The following TRPC7 variants were observed in gnomAD, a reference collection of about 807,000 sequenced individuals.
TRPC7 encodes the protein transient receptor potential cation channel subfamily C member 7.
A neutral mutation model predicts 90.1 loss-of-function variants in TRPC7; 42 were observed. The ratio of observed to expected loss-of-function variants is 0.47; its 90% CI spans 0.36 to 0.60. TRPC7 has a LOEUF of 0.60. TRPC7 is among the 20% of genes least tolerant of loss of function. TRPC7 has a pLI of 0.00. For synonymous variants in TRPC7, 451 were observed against 436.3 expected (o/e 1.03, Z -0.42); for missense variants, 955 against 1,112.3 (o/e 0.86, Z 2.01).
intron 3 of TRPC7, 112 bp from the exon 4 acceptor site, chr5:136,274,949 G>C (rs550087002): frequency 6.2e-6 from 8 of 1,289,178 alleles, no homozygotes; most frequent in Admixed American, 5.2e-5. Flanking sequence ...CTCCACCTGG[G>C]GGGTGGTTGA....
chr5:136,350,648 T>C (rs917964094), intron 2 of TRPC7, among the ~76,000 whole-genome samples: 3 of 152,206 alleles, frequency 2.0e-5, no homozygotes, highest in African/African-American at 4.8e-5. Flanking sequence ...CTTTGTCCCT[T>C]TTCTGGAGAT....
intron 3 of TRPC7, among the ~76,000 whole-genome samples, chr5:136,309,372 C>A (rs1449030850): frequency 6.6e-6 from 1 of 152,204 alleles, no homozygotes; most frequent in African/African-American, 2.4e-5. Context: ...CTCCCTCTCC[C>A]ATCTCCCACA....
rs1404478401 is a variant in TRPC7 at position 136,356,510 on chromosome 5, C to T, written c.780+98G>A. 5 of 1,256,306 alleles carry T rather than the reference C, an allele frequency of 4.0e-6. No individual in the cohort carries two copies. The East Asian group carries it at 1.0e-4, about 26-fold the overall frequency. The allele number at this position is 1,256,306 out of a possible 1,614,324, so 77.8% of individuals were successfully genotyped here. On this transcript the variant is annotated intron_variant, in intron 2 of 11. Transcript: ENST00000513104. ...CTGCTCAGTAAGATCCTGAAGCTTC[C>T]CTCTTTCTTAGATTTGAAGACAACC...
intron 5 of TRPC7, among the ~76,000 whole-genome samples, chr5:136,254,987 CTAGAAT>C (rs1756644636): frequency 6.6e-6 from 1 of 152,136 alleles, no homozygotes; most frequent in Non-Finnish European, 1.5e-5. Flanking sequence ...AATAAGAGAA[CTAGAAT>C]TAGAAGTAGG....
At chr5:136,306,508 C>T (rs1758636370) in intron 3 of TRPC7, among the ~76,000 whole-genome samples, 1 of 152,086 alleles carries the variant, frequency 6.6e-6, no homozygotes, top group South Asian at 2.1e-4. Context: ...AAATTTTTGC[C>T]ACCCCAAGAC....
intron 10 of TRPC7, 82 bp downstream of exon 10, chr5:136,225,192 T>A: frequency 8.2e-7 from 1 of 1,225,452 alleles, no homozygotes; most frequent in Non-Finnish European, 1.2e-6. Flanking sequence ...TCTCGGGGGA[T>A]GACACAGTCA....
intron 2 of TRPC7, among the ~76,000 whole-genome samples, chr5:136,334,091 GA>G (rs1759580192): frequency 6.6e-6 from 1 of 152,100 alleles, no homozygotes; most frequent in African/African-American, 2.4e-5. Flanking sequence ...GGTTCAGAGT[GA>G]ATGTGACCTA....
chr5:136,321,942 T>C (rs1429646057), intron 2 of TRPC7, among the ~76,000 whole-genome samples: 1 of 152,194 alleles, frequency 6.6e-6, no homozygotes, highest in African/African-American at 2.4e-5. Flanking sequence ...ATTTACTCAC[T>C]GAAGGACATT....
intron 3 of TRPC7, among the ~76,000 whole-genome samples, chr5:136,299,372 T>TGTGTGTGG (rs1226815507): frequency 6.8e-6 from 1 of 147,562 alleles, no homozygotes; most frequent in Admixed American, 6.8e-5. Context: ...TGTGTGTGTG[T>TGTGTGTGG]GTGTGTGGTG....
chr5:136,278,441 C>G (rs1383685210), intron 3 of TRPC7, among the ~76,000 whole-genome samples: 1 of 152,218 alleles, frequency 6.6e-6, no homozygotes, highest in Non-Finnish European at 1.5e-5. Flanking sequence ...GTCACCACAT[C>G]TGGAAGAGGC....
In TRPC7 at chr5:136,247,576, A is replaced by T; in HGVS notation, c.1739T>A (p.Phe580Tyr). 1 of 1,613,976 alleles carries T rather than the reference A, an allele frequency of 6.2e-7. No individual in the cohort carries two copies. The highest frequency in any genetic ancestry group is 8.5e-7 in the Non-Finnish European group (1 of 1,179,882). ...ISLGRTVKDI[F>Y]KFMVIFIMVF... ...CATGATGAAAATGACCATGAACTTG[A>T]AGATATCTTTCACAGTTCTCCCTAG... Residue 580 changes from phenylalanine to tyrosine, a missense_variant, in exon 7 of 12, where the codon TTC becomes TAC. Phe to Tyr is a conservative substitution (Grantham distance 22). Transcript: ENST00000513104. The surrounding 1 kb of genome is among the most constrained non-coding windows in gnomAD (Gnocchi z 4.2).
chr5:136,253,293 G>A (rs1756584026), intron 5 of TRPC7, among the ~76,000 whole-genome samples: 1 of 151,952 alleles, frequency 6.6e-6, no homozygotes, highest in South Asian at 2.1e-4. Flanking sequence ...CACATTTACT[G>A]ATTACTAAAT....
chr5:136,257,224 C>A (rs1304702470), intron 5 of TRPC7, among the ~76,000 whole-genome samples: 2 of 151,270 alleles, frequency 1.3e-5, no homozygotes, highest in South Asian at 4.2e-4. Context: ...ACTCTGTCGC[C>A]CAGGCTGGAG....
intron 11 of TRPC7, among the ~76,000 whole-genome samples, chr5:136,214,756 G>A: frequency 6.6e-6 from 1 of 152,166 alleles, no homozygotes; most frequent in Non-Finnish European, 1.5e-5. Flanking sequence ...GGGTGCCCCA[G>A]GATGAAGCAG....
intron 2 of TRPC7, among the ~76,000 whole-genome samples, 153 bp downstream of exon 2, chr5:136,356,455 A>G (rs2649699): frequency 0.66 from 101,152 of 152,118 alleles, 33,803 homozygotes; most frequent in Admixed American, 0.73. Flanking sequence ...ATCTCTGATA[A>G]GTGAGATGTG....
chr5:136,321,243 A>G (rs1297507170), intron 2 of TRPC7, among the ~76,000 whole-genome samples: 2 of 152,160 alleles, frequency 1.3e-5, no homozygotes, highest in Non-Finnish European at 2.9e-5. Context: ...TTGAGGCTCA[A>G]TTGTGCTGAC....
intron 7 of TRPC7, among the ~76,000 whole-genome samples, chr5:136,243,441 A>G (rs924818269): frequency 6.6e-6 from 1 of 152,126 alleles, no homozygotes; most frequent in African/African-American, 2.4e-5. Flanking sequence ...GCTGAGTTCT[A>G]TAGACTCCTG....
chr5:136,253,076 A>G (rs1329955648), intron 5 of TRPC7, among the ~76,000 whole-genome samples: 1 of 152,242 alleles, frequency 6.6e-6, no homozygotes, highest in African/African-American at 2.4e-5. Flanking sequence ...AACACTTACT[A>G]TGAAAAAAGA....
chr5:136,345,647 G>T (rs1211830673), intron 2 of TRPC7, among the ~76,000 whole-genome samples: 4 of 152,130 alleles, frequency 2.6e-5, no homozygotes, highest in Non-Finnish European at 5.9e-5. Flanking sequence ...CATTCTGTAG[G>T]CTGCCTGTTC....
Sources: allele counts gnomAD v4.1 joint callset (sites outside exome capture counted in the v4.1 genomes callset), GRCh38; gene constraint gnomAD v4.1.1; non-coding constraint Gnocchi (gnomAD v3.1); transcripts MANE v1.5; gene names NCBI Gene and HGNC (gene_info 2026-07-23, HGNC 2026-07-21).